The following TAFA4 variants were observed in gnomAD, a reference collection of about 807,000 sequenced individuals.
The protein encoded by TAFA4 is chemokine-like protein TAFA-4.
In TAFA4, 20 loss-of-function variants were observed where a neutral mutation model predicts 21.1. The ratio of observed to expected loss-of-function variants is 0.95; its 90% confidence interval spans 0.67 to 1.38. The LOEUF is 1.38. Among genes scored for constraint, TAFA4 ranks in the 40% most tolerant of loss-of-function variants. The pLI, the probability that TAFA4 is intolerant of heterozygous loss-of-function variation, is 0.00. For missense variants in TAFA4, 211 were observed against 180.9 expected (o/e 1.17, Z -0.95); for synonymous variants, 71 against 67.4 (o/e 1.05, Z -0.26).
At chr3:68,753,239 C>T (rs1702593018) in intron 3 of TAFA4, among the ~76,000 whole-genome samples, 1 of 151,964 alleles carries the variant, frequency 6.6e-6, no homozygotes, top group Non-Finnish European at 1.5e-5. Flanking sequence ...GAAATGAGGC[C>T]TCCAGGATCC....
intron 3 of TAFA4, among the ~76,000 whole-genome samples, chr3:68,874,897 G>A (rs1033984402): frequency 6.6e-6 from 1 of 152,180 alleles, no homozygotes; most frequent in Non-Finnish European, 1.5e-5. Flanking sequence ...CTGAGGAGGT[G>A]AGAAGAAGCC....
At chr3:68,921,971 A>G (rs2090064442) in intron 1 of TAFA4, among the ~76,000 whole-genome samples, 1 of 152,218 alleles carries the variant, frequency 6.6e-6, no homozygotes, top group African/African-American at 2.4e-5. Flanking sequence ...CATTATCAAA[A>G]TCAGTTTCTC....
chr3:68,808,330 C>G (rs1307656312), intron 3 of TAFA4, among the ~76,000 whole-genome samples: 2 of 152,170 alleles, frequency 1.3e-5, no homozygotes, highest in African/African-American at 4.8e-5. Flanking sequence ...TCCTTTGTCT[C>G]CTGTCTCATG....
intron 3 of TAFA4, among the ~76,000 whole-genome samples, chr3:68,844,421 A>G (rs543131567): frequency 1.3e-5 from 2 of 149,388 alleles, no homozygotes; most frequent in Non-Finnish European, 3.0e-5. Flanking sequence ...CTTCTTTATT[A>G]GTCTGGCTAG....
At chr3:68,924,902 C>T (rs2090093155) in intron 1 of TAFA4, among the ~76,000 whole-genome samples, 1 of 152,184 alleles carries the variant, frequency 6.6e-6, no homozygotes, top group South Asian at 2.1e-4. Context: ...ACTCCTTGAC[C>T]TTCATGGGGA....
chr3:68,780,651 T>C (rs1236760970), intron 3 of TAFA4, among the ~76,000 whole-genome samples: 1 of 152,258 alleles, frequency 6.6e-6, no homozygotes, highest in Non-Finnish European at 1.5e-5. Flanking sequence ...CTCAGCCACA[T>C]GGAACTGTAA....
intron 1 of TAFA4, among the ~76,000 whole-genome samples, chr3:68,896,601 C>T (rs772724110): frequency 7.2e-5 from 11 of 152,196 alleles, no homozygotes; most frequent in African/African-American, 1.2e-4. Context: ...CAAATACTGA[C>T]ATAGATGGCC....
chr3:68,820,235 T>C (rs938519240), intron 3 of TAFA4, among the ~76,000 whole-genome samples: 4 of 152,188 alleles, frequency 2.6e-5, no homozygotes, highest in Non-Finnish European at 5.9e-5. Flanking sequence ...CTAAAAATGT[T>C]GAACTCATAG....
chr3:68,746,704 A>T (rs1559757190), intron 4 of TAFA4, among the ~76,000 whole-genome samples: 1 of 152,230 alleles, frequency 6.6e-6, no homozygotes, highest in Non-Finnish European at 1.5e-5. Flanking sequence ...TTCTGCAAGT[A>T]ACACAATATT....
chr3:68,882,470 A>T (rs1175544944), intron 2 of TAFA4, among the ~76,000 whole-genome samples: 1 of 152,192 alleles, frequency 6.6e-6, no homozygotes, highest in Non-Finnish European at 1.5e-5. Context: ...CCGTGGTCGC[A>T]GCTGCCCCTA....
intron 3 of TAFA4, among the ~76,000 whole-genome samples, chr3:68,812,681 C>T (rs1035660881): frequency 2.6e-5 from 4 of 152,122 alleles, no homozygotes; most frequent in Non-Finnish European, 4.4e-5. Flanking sequence ...AAAGCAAGTC[C>T]TTAGAGACCT....
At chr3:68,792,677 T>C (rs1703383260) in intron 3 of TAFA4, among the ~76,000 whole-genome samples, 1 of 152,216 alleles carries the variant, frequency 6.6e-6, no homozygotes, top group East Asian at 1.9e-4. Context: ...AAAAATCTTC[T>C]GTGTTCCCAA....
At chr3:68,834,178 TG>T (rs1159995615) in intron 3 of TAFA4, among the ~76,000 whole-genome samples, 1 of 152,210 alleles carries the variant, frequency 6.6e-6, no homozygotes, top group East Asian at 1.9e-4. Context: ...TTTTAGGGTC[TG>T]CCTACTTAAG....
chr3:68,752,507 G>A (rs946506035), intron 4 of TAFA4, among the ~76,000 whole-genome samples: 1 of 152,198 alleles, frequency 6.6e-6, no homozygotes, highest in African/African-American at 2.4e-5. Flanking sequence ...CATGAAGTGA[G>A]AAAGTCATGC....
chr3:68,864,993 G>C (rs2089397839), intron 3 of TAFA4, among the ~76,000 whole-genome samples: 1 of 152,022 alleles, frequency 6.6e-6, no homozygotes, highest in Non-Finnish European at 1.5e-5. Flanking sequence ...AAGAGTATAA[G>C]GAAACTTTTG....
chr3:68,904,670 C>T (rs75869698), intron 1 of TAFA4, among the ~76,000 whole-genome samples: 8,230 of 152,232 alleles, frequency 0.054, 310 homozygotes, highest in Non-Finnish European at 0.081. Flanking sequence ...ATATGAGCAA[C>T]GGAAGCTGGA....
chr3:68,802,830 GT>G (rs1012284102), intron 3 of TAFA4, among the ~76,000 whole-genome samples: 1 of 152,158 alleles, frequency 6.6e-6, no homozygotes, highest in African/African-American at 2.4e-5. Context: ...TAGCAACCCT[GT>G]TTTTTAAAGG....
chr3:68,748,748 A>C (rs1702507883), intron 4 of TAFA4, among the ~76,000 whole-genome samples: 1 of 152,034 alleles, frequency 6.6e-6, no homozygotes, highest in South Asian at 2.1e-4. Context: ...CGTCTCAAAA[A>C]AAAAAAAAAA....
chr3:68,785,174 T>C (rs112442376), intron 3 of TAFA4, among the ~76,000 whole-genome samples: 2,764 of 152,224 alleles, frequency 0.018, 73 homozygotes, highest in African/African-American at 0.063. Context: ...AGAGTGCCGA[T>C]TGATGTATTT....
Sources: gnomAD v4.1 joint callset for allele counts (sites outside exome capture counted in the v4.1 genomes callset) on GRCh38, gnomAD v4.1.1 for gene constraint, MANE v1.5 for transcripts, NCBI Gene and HGNC (gene_info 2026-07-23, HGNC 2026-07-21) for gene names.